PTGER3: variants seen among roughly 807,000 people sequenced by gnomAD.
The protein encoded by PTGER3 is prostaglandin E receptor 3.
A neutral mutation model predicts 34.7 loss-of-function variants in PTGER3; 22 were observed. The ratio of observed to expected loss-of-function variants is 0.63; its 90% CI spans 0.45 to 0.91. PTGER3 has a LOEUF of 0.91. PTGER3 is among the 40% of genes least tolerant of loss of function. The pLI is 0.00. For missense variants in PTGER3, 468 were observed against 519.4 expected, an observed-to-expected ratio of 0.90 and a Z score of 0.96; for synonymous variants, 241 against 230.1, an observed-to-expected ratio of 1.05 and a Z score of -0.43.
chr1:70,886,462 C>A, intron 4 of PTGER3: 1 of 232,826 alleles, frequency 4.3e-6, no homozygotes, highest in Non-Finnish European at 9.4e-6. Flanking sequence ...ATCATCAGAC[C>A]ACAAACTCAT....
intron 2 of PTGER3, chr1:70,997,292 GTAAA>G (rs1656081526): frequency 6.6e-6 from 1 of 152,114 alleles, no homozygotes; most frequent in African/African-American, 2.4e-5. Context: ...AATAAAATAA[GTAAA>G]TAAATAAAGT....
intron 2 of PTGER3, among the ~76,000 whole-genome samples, chr1:71,000,035 G>T (rs1656334716): frequency 6.6e-6 from 1 of 152,200 alleles, no homozygotes; most frequent in South Asian, 2.1e-4. Context: ...TAGAAAAGCT[G>T]CCTCACCACT....
chr1:71,016,658 C>T (rs191383404), intron 1 of PTGER3, among the ~76,000 whole-genome samples: 2 of 151,936 alleles, frequency 1.3e-5, no homozygotes, highest in African/African-American at 4.8e-5. Flanking sequence ...CAAAAATTAG[C>T]CGGGCATGAT....
intron 4 of PTGER3, among the ~76,000 whole-genome samples, chr1:70,863,893 A>T (rs539735111): frequency 1.3e-5 from 2 of 152,298 alleles, no homozygotes; most frequent in South Asian, 2.1e-4. Flanking sequence ...AACCCATATT[A>T]TATTGGGACA....
chr1:70,974,574 C>T (rs191589300), intron 2 of PTGER3, among the ~76,000 whole-genome samples, 186 bp from the exon 3 acceptor site: 5 of 152,284 alleles, frequency 3.3e-5, no homozygotes, highest in Non-Finnish European at 5.9e-5. Context: ...CCTACACTTA[C>T]GCATCAAATA....
At chr1:70,985,863 G>A (rs1654865845) in intron 2 of PTGER3, among the ~76,000 whole-genome samples, 1 of 152,218 alleles carries the variant, frequency 6.6e-6, no homozygotes, top group African/African-American at 2.4e-5. Flanking sequence ...GTCTGTCACA[G>A]CTATGATTAG....
intron 4 of PTGER3, among the ~76,000 whole-genome samples, chr1:70,872,844 T>C (rs1021216501): frequency 6.6e-6 from 1 of 152,208 alleles, no homozygotes; most frequent in Non-Finnish European, 1.5e-5. Flanking sequence ...TCATCTGAGA[T>C]GTAGTCATTG....
rs143795399 is a variant in PTGER3 at position 70,947,023 on chromosome 1, G to C, written c.*23+6740C>G. 2.2e-4 allele frequency among the ~76,000 whole-genome samples: 33 copies of C among 152,174 alleles called. 1 individual carries two copies. The East Asian group carries it at 6.0e-3, about 28-fold the overall frequency. ...ATAAACTCAAGAGTTCCAGGACTAG[G>C]TTTGTATCTCAGCCTCAGCACTGTG... On this transcript the variant is annotated intron_variant, in intron 4 of 4. Transcript: ENST00000370931.
chr1:70,869,828 C>T (rs111781954), intron 4 of PTGER3, among the ~76,000 whole-genome samples: 12 of 152,228 alleles, frequency 7.9e-5, no homozygotes, highest in African/African-American at 2.9e-4. Flanking sequence ...GGGTTCGGTC[C>T]CTGTGGTTGC....
chr1:70,926,506 C>T (rs1412869860), intron 4 of PTGER3, among the ~76,000 whole-genome samples: 1 of 152,070 alleles, frequency 6.6e-6, no homozygotes, highest in African/African-American at 2.4e-5. Context: ...TATAAGAATG[C>T]TTGTGATTTT....
chr1:70,988,669 C>T (rs2300164), intron 2 of PTGER3, among the ~76,000 whole-genome samples: 33,015 of 152,058 alleles, frequency 0.22, 3,693 homozygotes, highest in Middle Eastern at 0.28. Context: ...CCAGATCAGC[C>T]CTGGACTATC....
intron 4 of PTGER3, among the ~76,000 whole-genome samples, chr1:70,940,913 T>C (rs1287706821): frequency 2.6e-5 from 4 of 152,190 alleles, no homozygotes; most frequent in African/African-American, 7.2e-5. Flanking sequence ...CATGATCATC[T>C]TTAATTTAGT....
chr1:71,033,013 C>T (rs909649707), intron 1 of PTGER3, among the ~76,000 whole-genome samples: 3 of 152,138 alleles, frequency 2.0e-5, no homozygotes, highest in African/African-American at 7.2e-5. Flanking sequence ...ACTTCTGTGT[C>T]TCTGTGTGAC....
downstream of PTGER3, chr1:70,952,338 C>T (rs1650843075): frequency 3.5e-6 from 3 of 865,522 alleles, no homozygotes. Flanking sequence ...TTCCTTAAAG[C>T]CCCTTCTACT....
intron 4 of PTGER3, among the ~76,000 whole-genome samples, chr1:70,908,854 TC>T (rs1481559705): frequency 7.9e-5 from 12 of 152,158 alleles, no homozygotes; most frequent in Admixed American, 7.9e-4. Flanking sequence ...ATGTCATATC[TC>T]CCTTAATACT....
chr1:71,035,966 T>C (rs950840897), intron 1 of PTGER3, among the ~76,000 whole-genome samples: 2 of 152,252 alleles, frequency 1.3e-5, no homozygotes, highest in African/African-American at 4.8e-5. Flanking sequence ...CTTGACACTC[T>C]CTCAAATTAC....
chr1:70,866,168 C>A (rs1189748988), intron 4 of PTGER3, among the ~76,000 whole-genome samples: 1 of 152,160 alleles, frequency 6.6e-6, no homozygotes, highest in African/African-American at 2.4e-5. Context: ...CATTGCTCAC[C>A]AGAGGGCTTG....
downstream of PTGER3, among the ~76,000 whole-genome samples, chr1:70,968,515 T>C (rs1572797162): frequency 6.6e-6 from 1 of 152,228 alleles, no homozygotes; most frequent in Non-Finnish European, 1.5e-5. Flanking sequence ...AAAATGAAGA[T>C]GAAGCTACTT....
At chr1:70,926,437 A>T (rs1207514768) in intron 4 of PTGER3, among the ~76,000 whole-genome samples, 1 of 152,002 alleles carries the variant, frequency 6.6e-6, no homozygotes, top group Non-Finnish European at 1.5e-5. Flanking sequence ...ATTCTCTTTG[A>T]AGCAATTGTG....
Sources: gnomAD v4.1 joint callset for allele counts (sites outside exome capture counted in the v4.1 genomes callset) on GRCh38, gnomAD v4.1.1 for gene constraint, MANE v1.5 for transcripts, NCBI Gene and HGNC (gene_info 2026-07-23, HGNC 2026-07-21) for gene names.